The following STEAP4 variants were observed in gnomAD, a reference collection of about 807,000 sequenced individuals.
STEAP4 encodes STEAP4 metalloreductase.
Under a neutral mutation model 43.6 loss-of-function variants are expected in STEAP4, and 36 were observed. The observed-to-expected ratio is 0.83, with a 90% CI of 0.63 to 1.09. The LOEUF is 1.09. Among genes scored for constraint, STEAP4 ranks in the 50% least tolerant of loss-of-function variants. The pLI is 0.00. For synonymous variants in STEAP4, 191 were observed against 196.7 expected (o/e 0.97, Z 0.24); for missense variants, 495 against 546.5 (o/e 0.91, Z 0.94).
intron 4 of STEAP4, 105 bp from the exon 5 acceptor site, chr7:88,279,733 A>G: frequency 4.3e-6 from 4 of 939,802 alleles, no homozygotes; most frequent in Non-Finnish European, 6.4e-6. Context: ...AACATTTGAG[A>G]CCTATAATGT....
At chr7:88,283,256 AATG>A in intron 2 of STEAP4, 88 bp from the exon 3 acceptor site, 1 of 1,328,012 alleles carries the variant, frequency 7.5e-7, no homozygotes, top group Non-Finnish European at 1.0e-6. Context: ...CACCATGCCA[AATG>A]ATGACGTAAA....
intron 1 of STEAP4, among the ~76,000 whole-genome samples, chr7:88,303,482 C>T (rs71572409): frequency 8.5e-5 from 12 of 140,384 alleles, no homozygotes; most frequent in African/African-American, 2.9e-4. Context: ...GGTGACAGAG[C>T]GAGACTCAGT....
chr7:88,295,567 T>G (rs901502700), intron 1 of STEAP4, among the ~76,000 whole-genome samples: 42 of 152,096 alleles, frequency 2.8e-4, no homozygotes, highest in African/African-American at 9.9e-4. Context: ...TATCAGCTTT[T>G]ATGTTAGCTT....
At chr7:88,302,645 A>C (rs1193722509) in intron 1 of STEAP4, among the ~76,000 whole-genome samples, 1 of 150,782 alleles carries the variant, frequency 6.6e-6, no homozygotes, top group Non-Finnish European at 1.5e-5. Flanking sequence ...TTCTTAATGC[A>C]TTTTTTTTTC....
intron 2 of STEAP4, 65 bp from the exon 3 acceptor site, chr7:88,283,233 A>G: frequency 6.8e-7 from 1 of 1,467,146 alleles, no homozygotes; most frequent in Non-Finnish European, 9.1e-7. Context: ...ATTATTTTGA[A>G]AGGCTACAAC....
In STEAP4 at chr7:88,291,780, C is replaced by T. The variant is rs542969563; in HGVS notation, c.-2-7509G>A. On this transcript the variant is annotated intron_variant, in intron 1 of 4. Transcript: ENST00000380079. ...CAGGAAGAAGAGTTATTAAGGGAAA[C>T]GTGGGTTAAAATAGTTAAAACACAA... is the stretch of plus-strand genomic sequence containing the variant. Among the ~76,000 whole-genome samples, 58 of 152,138 alleles carry T rather than the reference C, an allele frequency of 3.8e-4. 1 individual carries two copies. The highest frequency in any genetic ancestry group is 1.2e-3 in the Admixed American group (18 of 15,286).
At position 88,274,271 on chromosome 7, in the gene STEAP4, G is replaced by A. The variant is rs900958535; in HGVS notation, c.*5127C>T. 2.0e-5 allele frequency: 3 copies of A among 152,204 alleles called. No individual in the cohort carries two copies. The highest frequency in any genetic ancestry group is 2.9e-5 in the Non-Finnish European group (2 of 68,030). 9.4% of individuals were successfully genotyped at this position (152,204 alleles called of 1,614,324 possible). On this transcript the variant is annotated 3_prime_UTR_variant, in exon 5 of 5. Coordinates refer to ENST00000380079, the MANE Select transcript of STEAP4 (RefSeq NM_024636.4). ...AATGCATGTGAAATTGTTAGCATAG[G>A]CTTTACGCATGGCACTCTGCTGTAA...
At chr7:88,292,670 T>G (rs1456743226) in intron 1 of STEAP4, 1 of 152,132 alleles carries the variant, frequency 6.6e-6, no homozygotes, top group African/African-American at 2.4e-5. Context: ...TCAATCAGGT[T>G]AGAGACTAGA....
chr7:88,282,440 C>A (rs1464919085), intron 3 of STEAP4: 1 of 604,940 alleles, frequency 1.7e-6, no homozygotes, highest in Non-Finnish European at 2.8e-6. Flanking sequence ...AGCCACCGCC[C>A]CCGGCAAACT....
At chr7:88,305,198 C>T (rs1477606759) in intron 1 of STEAP4, among the ~76,000 whole-genome samples, 2 of 152,152 alleles carry the variant, frequency 1.3e-5, no homozygotes, top group African/African-American at 2.4e-5. Context: ...GAACTGTAAA[C>T]GTTACCAAAT....
intron 1 of STEAP4, among the ~76,000 whole-genome samples, chr7:88,303,496 A>C (rs1254405104): frequency 6.6e-5 from 3 of 45,410 alleles, no homozygotes; most frequent in Admixed American, 3.0e-4. Flanking sequence ...ACTCAGTCTC[A>C]AAAAAAAAAA....
intron 1 of STEAP4, among the ~76,000 whole-genome samples, chr7:88,305,073 C>G (rs900449950): frequency 3.3e-5 from 5 of 152,042 alleles, no homozygotes; most frequent in African/African-American, 1.2e-4. Context: ...CAACAGTTAG[C>G]GAGCTTTAGT....
chr7:88,279,801 T>C (rs1041660577), intron 4 of STEAP4, 173 bp from the exon 5 acceptor site: 1 of 603,868 alleles, frequency 1.7e-6, no homozygotes, highest in Non-Finnish European at 2.9e-6. Flanking sequence ...GGATGGTAAA[T>C]ACTTCATTTA....
intron 1 of STEAP4, chr7:88,293,099 C>T (rs946240727): frequency 4.6e-5 from 7 of 152,116 alleles, no homozygotes; most frequent in East Asian, 3.8e-4. Context: ...ATACTGACTT[C>T]GAATGTGTAC....
At chr7:88,286,791 ACACACACACACACACACG>A (rs1357948013) in intron 1 of STEAP4, among the ~76,000 whole-genome samples, 2 of 149,710 alleles carry the variant, frequency 1.3e-5, no homozygotes, top group African/African-American at 2.4e-5. Flanking sequence ...ACACACACAC[ACACACACACACACACACG>A]CAAACAATGT....
chr7:88,282,632 G>C lies in STEAP4; in HGVS notation c.984+9C>G. ...AGGAGCAGAAGAAAATATATAAGAA[G>C]AGATTTACCTGGGTAACGGTTAAGT... On this transcript the variant is annotated intron_variant, in intron 3 of 4. Transcript: ENST00000380079. 6.2e-7 allele frequency: 1 copy of C among 1,605,180 alleles called. No homozygotes were observed. Among genetic ancestry groups the C allele is most frequent in the Non-Finnish European group, 8.5e-7 (1 of 1,174,534 alleles).
chr7:88,283,707 T>C (rs919488959), intron 2 of STEAP4, 107 bp downstream of exon 2: 2 of 1,217,630 alleles, frequency 1.6e-6, no homozygotes, highest in African/African-American at 1.5e-5. Flanking sequence ...CAAAATGTAA[T>C]ATTTAGTGGG....
chr7:88,279,281 GA>G lies in STEAP4; in HGVS notation c.*116del, dbSNP rs1315497064. 3 of 919,122 alleles carry G rather than the reference GA, an allele frequency of 3.3e-6. No individual in the cohort carries two copies. Among genetic ancestry groups the G allele is most frequent in the South Asian group, 3.4e-5 (2 of 59,002 alleles). The allele number at this position is 919,122 out of a possible 1,614,324, so 56.9% of individuals were successfully genotyped here. A position where few individuals can be genotyped will look rare whatever the true frequency, so the allele number is the denominator to read the frequency against. On this transcript the variant is annotated 3_prime_UTR_variant, in exon 5 of 5. Transcript: ENST00000380079. ...AATGTTTCCCTCAGTCACGGTGTAA[GA>G]AAAAAACTTTCCTAACTGTACCCAT...
intron 2 of STEAP4, chr7:88,283,549 T>G (rs1399040470): frequency 2.3e-5 from 12 of 529,798 alleles, no homozygotes; most frequent in Non-Finnish European, 3.3e-5. Context: ...TCACCAAGTA[T>G]TAGTTTCTAG....
Sources: allele counts gnomAD v4.1 joint callset (sites outside exome capture counted in the v4.1 genomes callset), GRCh38; gene constraint gnomAD v4.1.1; transcripts MANE v1.5; gene names NCBI Gene and HGNC (gene_info 2026-07-23, HGNC 2026-07-21).